Variants in RGS6 observed in about 807,000 individuals in gnomAD.
RGS6 encodes the protein regulator of G-protein signaling 6.
In RGS6, 30 loss-of-function variants were observed where a neutral mutation model predicts 78.5. That is an observed-to-expected ratio of 0.38 (90% CI 0.29 to 0.52). The LOEUF (loss-of-function observed/expected upper bound fraction) is 0.52, where lower values mean the gene tolerates loss of function less well. Among genes scored for constraint, RGS6 ranks in the 20% least tolerant of loss-of-function variants. RGS6 has a pLI of 0.85. For synonymous variants in RGS6, 206 were observed against 206.0 expected (o/e 1.00, Z 0.00); for missense variants, 495 against 609.7 (o/e 0.81, Z 1.98).
At chr14:72,511,467 T>C (rs1381710554) in intron 14 of RGS6, 1 of 152,250 alleles carries the variant, frequency 6.6e-6, no homozygotes, top group African/African-American at 2.4e-5. Context: ...AGATGTGTGA[T>C]CTTTGCCTGT....
intron 17 of RGS6, chr14:72,550,724 G>A: frequency 8.0e-7 from 1 of 1,243,296 alleles, no homozygotes; most frequent in Admixed American, 2.8e-5. Flanking sequence ...ACCTGATGGA[G>A]GTTTTACACC....
At chr14:72,057,080 G>A (rs533935445) in intron 2 of RGS6, among the ~76,000 whole-genome samples, 15 of 152,124 alleles carry the variant, frequency 9.9e-5, no homozygotes, top group Admixed American at 5.2e-4. Flanking sequence ...TTGGAAGGCC[G>A]AGGCAGGCGG....
intron 2 of RGS6, among the ~76,000 whole-genome samples, chr14:72,005,692 C>T (rs966314581): frequency 6.6e-6 from 1 of 152,070 alleles, no homozygotes; most frequent in Non-Finnish European, 1.5e-5. Context: ...TCCATTCTTG[C>T]ATCTATTTCA....
chr14:72,528,881 A>G (rs2153480664), intron 15 of RGS6, among the ~76,000 whole-genome samples: 1 of 152,282 alleles, frequency 6.6e-6, no homozygotes, highest in East Asian at 1.9e-4. Context: ...AGAATAGGGG[A>G]AACAAACCAG....
chr14:72,404,919 G>A (rs948370439), intron 3 of RGS6, among the ~76,000 whole-genome samples: 4 of 152,226 alleles, frequency 2.6e-5, no homozygotes, highest in African/African-American at 7.2e-5. Flanking sequence ...GCAGGGTGAT[G>A]AGCCAGGAAG....
At chr14:72,579,580 C>T in the RGS6 span, among the ~76,000 whole-genome samples, 1 of 152,150 alleles carries the variant, frequency 6.6e-6, no homozygotes, top group Non-Finnish European at 1.5e-5. Context: ...CATTCCACAG[C>T]CCAGGGATAA....
At chr14:72,171,505 G>A (rs1422001784) in intron 2 of RGS6, among the ~76,000 whole-genome samples, 1 of 152,204 alleles carries the variant, frequency 6.6e-6, no homozygotes, top group East Asian at 1.9e-4. Flanking sequence ...AGGTACCACT[G>A]TGATCGAGGT....
chr14:72,032,337 G>A (rs554891981), intron 2 of RGS6, among the ~76,000 whole-genome samples: 1 of 152,160 alleles, frequency 6.6e-6, no homozygotes, highest in South Asian at 2.1e-4. Context: ...GCCACCACTG[G>A]TTATTTTCCT....
intron 3 of RGS6, among the ~76,000 whole-genome samples, chr14:72,450,472 C>T (rs1012829007): frequency 7.9e-5 from 12 of 152,108 alleles, no homozygotes; most frequent in East Asian, 5.8e-4. Context: ...TTTTGGGTGC[C>T]GTCTGGTGTA....
intron 3 of RGS6, among the ~76,000 whole-genome samples, chr14:72,373,061 G>A (rs566387287): frequency 1.3e-5 from 2 of 152,174 alleles, no homozygotes; most frequent in South Asian, 2.1e-4. Context: ...TCATCATGGA[G>A]ACAGAAGACA....
intron 2 of RGS6, among the ~76,000 whole-genome samples, chr14:72,168,366 G>A (rs1399687656): frequency 9.2e-5 from 14 of 152,154 alleles, no homozygotes; most frequent in Non-Finnish European, 1.5e-5. Flanking sequence ...GAGAGTGGAC[G>A]TGGAATCCTG....
At chr14:72,198,594 C>G (rs1235928994) in intron 2 of RGS6, among the ~76,000 whole-genome samples, 1 of 152,206 alleles carries the variant, frequency 6.6e-6, no homozygotes, top group Non-Finnish European at 1.5e-5. Context: ...TGGGTTAGAT[C>G]CCTCTTTTTT....
intron 2 of RGS6, among the ~76,000 whole-genome samples, chr14:72,335,813 G>T (rs374099293): frequency 6.6e-6 from 1 of 152,128 alleles, no homozygotes. Context: ...GGACAAGCTC[G>T]GTTTAAATTG....
chr14:72,210,467 G>A (rs1362076424), intron 2 of RGS6, among the ~76,000 whole-genome samples: 1 of 152,186 alleles, frequency 6.6e-6, no homozygotes, highest in Non-Finnish European at 1.5e-5. Flanking sequence ...GTGTATTTAG[G>A]TGAGAAGTCA....
intron 2 of RGS6, among the ~76,000 whole-genome samples, chr14:72,281,915 G>T (rs2238209): frequency 6.6e-6 from 1 of 152,130 alleles, no homozygotes; most frequent in East Asian, 1.9e-4. Context: ...TAAGACACAA[G>T]GTATTGGAAG....
chr14:72,510,388 CA>C, intron 14 of RGS6, 109 bp downstream of exon 14: 1 of 1,374,702 alleles, frequency 7.3e-7, no homozygotes, highest in Non-Finnish European at 1.0e-6. Flanking sequence ...GGTTCAAATT[CA>C]AATGCCAGCT....
rs927078356 is a variant in RGS6 at position 72,518,380 on chromosome 14, A to G, written c.1121A>G (p.Lys374Arg). 6.2e-7 allele frequency: 1 copy of G among 1,613,956 alleles called. No individual in the cohort carries two copies. Among genetic ancestry groups the G allele is most frequent in the Non-Finnish European group, 8.5e-7 (1 of 1,179,944 alleles). ...TGGCTGGCTGTCCAAGATCTTAAGA[A>G]ACAACCCCTACAGGATGTGGCCAAG... is the stretch of plus-strand genomic sequence containing the variant. ...RFWLAVQDLK[K>R]QPLQDVAKRV... is the part of the protein sequence containing the mutation. The change falls in exon 15 of 18, where the codon AAA (lysine) becomes AGA (arginine). Residue 374 changes from lysine to arginine, a missense_variant. Physicochemically the swap from Lys to Arg is conservative, Grantham distance 26. Coordinates refer to ENST00000553525, the MANE Select transcript of RGS6 (RefSeq NM_001204424.2).
chr14:71,986,746 T>C (rs561036545), intron 2 of RGS6, among the ~76,000 whole-genome samples: 120 of 152,102 alleles, frequency 7.9e-4, no homozygotes, highest in African/African-American at 2.5e-3. Context: ...ACAAATGCAT[T>C]TTCTTATAAT....
intron 2 of RGS6, among the ~76,000 whole-genome samples, chr14:71,995,532 T>A (rs74060440): frequency 6.6e-5 from 10 of 152,166 alleles, no homozygotes; most frequent in African/African-American, 2.4e-4. Flanking sequence ...GGGGCAGCCA[T>A]GGGAAGTTTC....
Sources: gnomAD v4.1 joint callset for allele counts (sites outside exome capture counted in the v4.1 genomes callset) on GRCh38, gnomAD v4.1.1 for gene constraint, MANE v1.5 for transcripts, NCBI Gene and HGNC (gene_info 2026-07-23, HGNC 2026-07-21) for gene names.